Variants in ADORA2B observed in about 807,000 individuals in gnomAD.
The protein encoded by ADORA2B is adenosine A2b receptor.
Under a neutral mutation model 20.8 loss-of-function variants are expected in ADORA2B, and 18 were observed. The ratio of observed to expected loss-of-function variants is 0.87; its 90% CI spans 0.60 to 1.29. The LOEUF (loss-of-function observed/expected upper bound fraction) is 1.29, where lower values mean the gene tolerates loss of function less well. ADORA2B is among the 50% of genes most tolerant of loss of function. The probability of loss-of-function intolerance (pLI) is 0.00; values close to 1 mark genes in which losing one functional copy is unlikely to be tolerated. For synonymous variants in ADORA2B, 179 were observed against 178.3 expected (o/e 1.00, Z -0.03); for missense variants, 441 against 422.7 (o/e 1.04, Z -0.38).
the ADORA2B span, among the ~76,000 whole-genome samples, chr17:15,889,505 A>G: frequency 1.5e-5 from 2 of 130,522 alleles, 1 homozygote; most frequent in East Asian, 4.1e-4. Flanking sequence ...CCCATCAAAA[A>G]TCAGAACATC....
At chr17:15,857,213 G>T in the ADORA2B span, among the ~76,000 whole-genome samples, 3 of 152,144 alleles carry the variant, frequency 2.0e-5, no homozygotes, top group Non-Finnish European at 4.4e-5. Flanking sequence ...TGGGCCTGTG[G>T]GTACACAGAA....
At chr17:15,871,395 T>A in the ADORA2B span, among the ~76,000 whole-genome samples, 1 of 152,204 alleles carries the variant, frequency 6.6e-6, no homozygotes, top group African/African-American at 2.4e-5. Flanking sequence ...GCCCAGATGC[T>A]ATTGGCAGGC....
At chr17:15,954,915 A>C (rs1969948182) in intron 1 of ADORA2B, among the ~76,000 whole-genome samples, 1 of 152,094 alleles carries the variant, frequency 6.6e-6, no homozygotes, top group Non-Finnish European at 1.5e-5. Context: ...TGTAACTTGT[A>C]TCTCTCCTCT....
At chr17:15,874,071 T>TAC in the ADORA2B span, among the ~76,000 whole-genome samples, 4 of 106,288 alleles carry the variant, frequency 3.8e-5, no homozygotes, top group East Asian at 2.4e-4. Flanking sequence ...TGTGTGTGTA[T>TAC]ATATATATAT....
At chr17:15,945,838 C>T (rs746301942) in intron 1 of ADORA2B, among the ~76,000 whole-genome samples, 11 of 150,778 alleles carry the variant, frequency 7.3e-5, no homozygotes, top group Non-Finnish European at 1.2e-4. Flanking sequence ...CCGGGGAGTG[C>T]GGTCCCCGGC....
At chr17:15,859,080 T>TC in the ADORA2B span, among the ~76,000 whole-genome samples, 1 of 152,116 alleles carries the variant, frequency 6.6e-6, no homozygotes, top group Non-Finnish European at 1.5e-5. Flanking sequence ...CACCTAAGCC[T>TC]CCCAAAGCAC....
At chr17:15,969,372 T>C (rs1481784540) in intron 1 of ADORA2B, among the ~76,000 whole-genome samples, 4 of 152,158 alleles carry the variant, frequency 2.6e-5, no homozygotes, top group African/African-American at 4.8e-5. Flanking sequence ...GAGAATCGCT[T>C]GAAACCAGGA....
chr17:15,935,346 T>C, the ADORA2B span, among the ~76,000 whole-genome samples: 1 of 152,220 alleles, frequency 6.6e-6, no homozygotes, highest in Admixed American at 6.5e-5. Context: ...GCAGTTTTTT[T>C]CTTTCAGAGC....
chr17:15,916,331 T>C, the ADORA2B span, among the ~76,000 whole-genome samples: 1 of 152,060 alleles, frequency 6.6e-6, no homozygotes, highest in African/African-American at 2.4e-5. Flanking sequence ...TGAGTTGAAG[T>C]GTAGGAGGAC....
the ADORA2B span, among the ~76,000 whole-genome samples, chr17:15,883,531 G>T: frequency 6.6e-6 from 1 of 152,220 alleles, no homozygotes; most frequent in East Asian, 1.9e-4. Flanking sequence ...TTATGATGGG[G>T]ATTGGGGTAT....
chr17:15,968,318 G>A (rs915825206), intron 1 of ADORA2B, among the ~76,000 whole-genome samples: 1 of 152,168 alleles, frequency 6.6e-6, no homozygotes, highest in Non-Finnish European at 1.5e-5. Flanking sequence ...GCTGCTGACT[G>A]CGGAACCTCA....
At chr17:15,890,764 G>A in the ADORA2B span, among the ~76,000 whole-genome samples, 2 of 152,076 alleles carry the variant, frequency 1.3e-5, no homozygotes, top group African/African-American at 2.4e-5. Context: ...AGCCCCACTG[G>A]CTAAGAAGGT....
chr17:15,937,465 A>G, the ADORA2B span, among the ~76,000 whole-genome samples: 3 of 152,144 alleles, frequency 2.0e-5, no homozygotes, highest in Non-Finnish European at 4.4e-5. Flanking sequence ...CACAGCCCCA[A>G]AGTCAGCCAA....
the ADORA2B span, among the ~76,000 whole-genome samples, chr17:15,896,030 G>A: frequency 6.6e-6 from 1 of 152,146 alleles, no homozygotes; most frequent in Non-Finnish European, 1.5e-5. Flanking sequence ...TATTTTTTGG[G>A]TATGGGCAGA....
At chr17:15,965,579 G>C (rs190786255) in intron 1 of ADORA2B, among the ~76,000 whole-genome samples, 134 of 152,366 alleles carry the variant, frequency 8.8e-4, no homozygotes, top group Non-Finnish European at 1.6e-3. Context: ...TGGTATAATG[G>C]AGACACTGCT....
chr17:15,966,824 G>C (rs1358601361), intron 1 of ADORA2B, among the ~76,000 whole-genome samples: 1 of 152,224 alleles, frequency 6.6e-6, no homozygotes, highest in Non-Finnish European at 1.5e-5. Context: ...TGTGTTTCCT[G>C]TGTTCACTTT....
chr17:15,898,645 G>A, the ADORA2B span, among the ~76,000 whole-genome samples: 101 of 152,152 alleles, frequency 6.6e-4, no homozygotes, highest in Non-Finnish European at 9.6e-4. Context: ...GGGATTACAG[G>A]CGTGAGCCAC....
chr17:15,947,184 C>T (rs1245113412), intron 1 of ADORA2B, among the ~76,000 whole-genome samples: 1 of 152,214 alleles, frequency 6.6e-6, no homozygotes, highest in East Asian at 1.9e-4. Flanking sequence ...AGTTTCTTCT[C>T]TCTCTTCTGG....
At chr17:15,912,788 G>A in the ADORA2B span, among the ~76,000 whole-genome samples, 2 of 152,190 alleles carry the variant, frequency 1.3e-5, no homozygotes, top group East Asian at 1.9e-4. Flanking sequence ...GATCTCTTCC[G>A]TATTTGCCAC....
Sources: gnomAD v4.1 joint callset for allele counts (sites outside exome capture counted in the v4.1 genomes callset) on GRCh38, gnomAD v4.1.1 for gene constraint, MANE v1.5 for transcripts, NCBI Gene and HGNC (gene_info 2026-07-23, HGNC 2026-07-21) for gene names.